The following CETN3 variants were observed in gnomAD, a reference collection of about 807,000 sequenced individuals.
The protein encoded by CETN3 is centrin-3.
CETN3 carries 17 observed loss-of-function variants against 20.1 expected under a neutral mutation model. The ratio of observed to expected loss-of-function variants is 0.85; its 90% CI spans 0.58 to 1.27. The LOEUF (loss-of-function observed/expected upper bound fraction) is 1.27. Among genes scored for constraint, CETN3 ranks in the 50% most tolerant of loss-of-function variants. The pLI is 0.00. For synonymous variants in CETN3, 52 were observed against 59.7 expected (o/e 0.87, Z 0.59); for missense variants, 169 against 191.2 (o/e 0.88, Z 0.69).
Position 90,393,709 on chromosome 5 carries a change from AC to A in CETN3, c.*354del, listed in dbSNP as rs1421173617. 1.9e-5 allele frequency: 3 copies of A among 156,332 alleles called. No homozygotes were observed. The highest frequency in any genetic ancestry group is 2.8e-5 in the Non-Finnish European group (2 of 70,608). The allele number at this position is 156,332 out of a possible 1,614,324, so 9.7% of individuals were successfully genotyped here. A position where few individuals can be genotyped will look rare whatever the true frequency, so the allele number is the denominator to read the frequency against. On this transcript the variant is annotated 3_prime_UTR_variant, in exon 5 of 5. Transcript: ENST00000283122. ...CTAGGAATAAAAACAAATTTACCAA[AC>A]TTTAAAATTCTAATAAAATAAATAT... is the stretch of plus-strand genomic sequence containing the variant.
At chr5:90,403,063 A>G (rs535581994) in intron 3 of CETN3, among the ~76,000 whole-genome samples, 2 of 151,868 alleles carry the variant, frequency 1.3e-5, no homozygotes, top group Non-Finnish European at 2.9e-5. Context: ...TAAAATATCT[A>G]TGTTACTCAC....
intron 3 of CETN3, among the ~76,000 whole-genome samples, chr5:90,401,689 C>T (rs2151882971): frequency 6.6e-6 from 1 of 152,286 alleles, no homozygotes; most frequent in African/African-American, 2.4e-5. Flanking sequence ...GGACTCCAAA[C>T]TCATTCCACT....
intron 3 of CETN3, among the ~76,000 whole-genome samples, chr5:90,403,812 A>T (rs1749363814): frequency 1.5e-5 from 2 of 134,834 alleles, no homozygotes; most frequent in Non-Finnish European, 3.1e-5. Context: ...CGGAGCTTGC[A>T]GTGAGCCGAG....
chr5:90,409,481 G>A (rs573436344), intron 1 of CETN3, among the ~76,000 whole-genome samples, 164 bp downstream of exon 1: 5 of 152,312 alleles, frequency 3.3e-5, no homozygotes, highest in African/African-American at 1.2e-4. Flanking sequence ...GGGCATCAGA[G>A]CCCAGAGGGT....
At chr5:90,394,253 CTTTG>C in intron 4 of CETN3, 146 bp from the exon 5 acceptor site, 7 of 525,762 alleles carry the variant, frequency 1.3e-5, no homozygotes. Context: ...GCTTTTACTT[CTTTG>C]TTAGGAAGTG....
intron 4 of CETN3, chr5:90,398,913 G>A (rs778626519): frequency 4.4e-6 from 1 of 228,482 alleles, no homozygotes; most frequent in South Asian, 7.5e-5. Context: ...CAGTCAACAC[G>A]CAGGACACTG....
intron 3 of CETN3, 123 bp downstream of exon 3, chr5:90,405,562 C>A: frequency 1.6e-6 from 1 of 622,696 alleles, no homozygotes; most frequent in South Asian, 2.0e-5. Context: ...GAGTAAGAGT[C>A]ACATTATACA....
intron 4 of CETN3, chr5:90,396,587 A>G (rs1749142324): frequency 6.7e-7 from 1 of 1,490,520 alleles, no homozygotes; most frequent in African/African-American, 1.4e-5. Context: ...AAAAAACATA[A>G]AACAGCCTTA....
rs971177417 is a variant in CETN3, at chr5:90,393,784, A to G, written c.*280T>C. The G allele has an allele frequency of 7.3e-5, 16 of 219,472 alleles. No individual in the cohort carries two copies. The highest frequency in any genetic ancestry group is 3.2e-4 in the African/African-American group (14 of 44,018). The allele number at this position is 219,472 out of a possible 1,614,324, so 13.6% of individuals were successfully genotyped here. A position where few individuals can be genotyped will look rare whatever the true frequency, so the allele number is the denominator to read the frequency against. On this transcript the variant is annotated 3_prime_UTR_variant, in exon 5 of 5. Coordinates refer to ENST00000283122, the MANE Select transcript of CETN3 (RefSeq NM_004365.4). ...TGTGTGCACTAAAAAGTGACTATAA[A>G]TGTTAAATTAAAAAACCTTCAAAGA...
chr5:90,402,288 T>C (rs1749311683), intron 3 of CETN3, among the ~76,000 whole-genome samples: 1 of 152,220 alleles, frequency 6.6e-6, no homozygotes, highest in Non-Finnish European at 1.5e-5. Context: ...CTCAAACATA[T>C]CATATCCCCT....
At chr5:90,404,869 A>G (rs917429276) in intron 3 of CETN3, among the ~76,000 whole-genome samples, 4 of 126,678 alleles carry the variant, frequency 3.2e-5, no homozygotes, top group African/African-American at 1.2e-4. Context: ...TGGTTTAGAG[A>G]AAAAAAAAAA....
chr5:90,395,806 G>C, intron 4 of CETN3: 1 of 825,590 alleles, frequency 1.2e-6, no homozygotes, highest in Non-Finnish European at 1.5e-6. Flanking sequence ...TATTCATAAT[G>C]AACAGTTAGA....
In CETN3 at chr5:90,409,654, A is replaced by C. The variant is rs747114292; in HGVS notation, c.8T>G (p.Leu3Ter). The change falls in exon 1 of 5, where the codon TTA becomes TGA. Residue 3 changes from leucine (L) to a stop codon, truncating the protein, a stop_gained. Coordinates refer to ENST00000283122, the MANE Select transcript of CETN3 (RefSeq NM_004365.4). LOFTEE classifies it high-confidence loss of function. ...CCTCCTTATTACCGACCTCAGAGCTAAACTCATTATCTCTTCGCACAGAGA... is the reference window on the plus strand; with the variant it reads ...CCTCCTTATTACCGACCTCAGAGCTCAACTCATTATCTCTTCGCACAGAGA... MS[L>*]ALRSELVVDK... 3 of 1,614,130 alleles carry C rather than the reference A, an allele frequency of 1.9e-6. No individual in the cohort carries two copies. The highest frequency in any genetic ancestry group is 2.5e-6 in the Non-Finnish European group (3 of 1,180,008).
Position 90,406,641 on chromosome 5 carries a change from G to A in CETN3, c.154-842C>T, listed in dbSNP as rs138365449. Among the ~76,000 whole-genome samples the A allele has an allele frequency of 2.2e-3, 326 of 151,486 alleles. 2 individuals carry two copies. Among genetic ancestry groups the A allele is most frequent in the African/African-American group, 7.3e-3 (304 of 41,424 alleles). ...AACTTTAAGTAGTATACAATGAGGAGTTATGGTTTATGAGCAATGAACAAT... is the reference window on the plus strand; with the variant it reads ...AACTTTAAGTAGTATACAATGAGGAATTATGGTTTATGAGCAATGAACAAT... On this transcript the variant is annotated intron_variant, in intron 2 of 4. Transcript: ENST00000283122.
At chr5:90,408,587 AAAG>A (rs1253364505) in intron 1 of CETN3, among the ~76,000 whole-genome samples, 1 of 152,198 alleles carries the variant, frequency 6.6e-6, no homozygotes, top group African/African-American at 2.4e-5. Context: ...GGAAACGCTT[AAAG>A]AAAAAAAGCA....
At chr5:90,405,341 TTC>T (rs1749406890) in intron 3 of CETN3, 1 of 273,950 alleles carries the variant, frequency 3.7e-6, no homozygotes, top group Admixed American at 5.3e-5. Flanking sequence ...ATATCAAATT[TTC>T]TGTTTTATTA....
At chr5:90,408,908 G>C (rs969478539) in intron 1 of CETN3, among the ~76,000 whole-genome samples, 3 of 151,762 alleles carry the variant, frequency 2.0e-5, no homozygotes, top group Admixed American at 1.3e-4. Flanking sequence ...GGGTATTCCT[G>C]GGGTCAGTCT....
chr5:90,402,795 A>G (rs1210019924), intron 3 of CETN3, among the ~76,000 whole-genome samples: 1 of 152,198 alleles, frequency 6.6e-6, no homozygotes, highest in Non-Finnish European at 1.5e-5. Flanking sequence ...CAAAATTACA[A>G]TTTACCACAT....
chr5:90,395,064 G>A (rs1348868671), intron 4 of CETN3, among the ~76,000 whole-genome samples: 1 of 152,126 alleles, frequency 6.6e-6, no homozygotes, highest in East Asian at 1.9e-4. Context: ...CTGGTCTCTA[G>A]TCACAGCTCT....
Sources: allele counts gnomAD v4.1 joint callset (sites outside exome capture counted in the v4.1 genomes callset), GRCh38; gene constraint gnomAD v4.1.1; transcripts MANE v1.5; gene names NCBI Gene and HGNC (gene_info 2026-07-23, HGNC 2026-07-21).